KALRN: variants seen among roughly 807,000 people sequenced by gnomAD.
KALRN encodes the protein kalirin RhoGEF kinase.
KALRN carries 70 observed loss-of-function variants against 353.7 expected under a neutral mutation model. The ratio of observed to expected loss-of-function variants is 0.20; its 90% CI spans 0.16 to 0.24. The LOEUF (loss-of-function observed/expected upper bound fraction) is 0.24, where lower values mean the gene tolerates loss of function less well. Ranked by LOEUF, KALRN falls within the 10% of genes least tolerant of loss-of-function variation. The pLI, the probability that KALRN is intolerant of heterozygous loss-of-function variation, is 1.00. For missense variants in KALRN, 2,791 were observed against 3,756.7 expected (o/e 0.74, Z 6.72); for synonymous variants, 1,391 against 1,434.8 (o/e 0.97, Z 0.69).
intron 51 of KALRN, among the ~76,000 whole-genome samples, chr3:124,690,044 G>T (rs1487389725): frequency 6.6e-6 from 1 of 152,086 alleles, no homozygotes; most frequent in Admixed American, 6.6e-5. Context: ...CATTTTCTCA[G>T]CTCTCCTCCC....
chr3:124,667,323 A>G (rs2085766622), intron 47 of KALRN, 140 bp downstream of exon 47: 5 of 714,046 alleles, frequency 7.0e-6, no homozygotes, highest in Non-Finnish European at 1.1e-5. Context: ...TTTCAGAAAC[A>G]CTTTAGAATT....
At chr3:124,532,275 A>G (rs371050909) in intron 33 of KALRN, among the ~76,000 whole-genome samples, 4 of 152,384 alleles carry the variant, frequency 2.6e-5, no homozygotes, top group East Asian at 3.9e-4. Flanking sequence ...ATTGCATGAC[A>G]TTGCTCTAGA....
intron 6 of KALRN, among the ~76,000 whole-genome samples, chr3:124,305,932 A>T (rs541415066): frequency 1.3e-5 from 2 of 152,342 alleles, no homozygotes; most frequent in Non-Finnish European, 2.9e-5. Context: ...ATCACCTGTG[A>T]GAGCAACCAG....
chr3:124,229,975 T>C (rs943119029), intron 2 of KALRN, among the ~76,000 whole-genome samples: 2 of 152,172 alleles, frequency 1.3e-5, no homozygotes, highest in African/African-American at 4.8e-5. Flanking sequence ...GATTTGGGTA[T>C]GGGGAGAGGC....
At chr3:124,240,556 G>A (rs542613619) in intron 3 of KALRN, among the ~76,000 whole-genome samples, 223 of 152,108 alleles carry the variant, frequency 1.5e-3, no homozygotes, top group Non-Finnish European at 2.2e-3. Context: ...CCAACACATG[G>A]TGACTCCATG....
intron 33 of KALRN, among the ~76,000 whole-genome samples, chr3:124,515,260 A>G (rs1331900031): frequency 6.6e-6 from 1 of 152,208 alleles, no homozygotes; most frequent in Non-Finnish European, 1.5e-5. Context: ...AATAAACAGC[A>G]TTTATATGAA....
chr3:124,314,868 T>A (rs1167223828), intron 6 of KALRN, among the ~76,000 whole-genome samples: 1 of 152,194 alleles, frequency 6.6e-6, no homozygotes, highest in African/African-American at 2.4e-5. Flanking sequence ...TTGCCCAGGT[T>A]GGTCTCAAAC....
At position 124,334,997 on chromosome 3, in the gene KALRN, G is replaced by A. The variant is rs2080983111; in HGVS notation, c.1647+502G>A. ...TTTGGTGGAGACGGGGTTTCACCATGTTGACCAGGCTGGTCTTGAACTCCT... is the reference window on the plus strand; with the variant it reads ...TTTGGTGGAGACGGGGTTTCACCATATTGACCAGGCTGGTCTTGAACTCCT... On this transcript the variant is annotated intron_variant, in intron 9 of 59. Transcript: ENST00000682506. The surrounding 1 kb of genome is among the most constrained non-coding windows in gnomAD (Gnocchi z 4.2). 6.6e-6 allele frequency among the ~76,000 whole-genome samples: 1 copy of A among 152,176 alleles called. No individual in the cohort carries two copies. Among genetic ancestry groups the A allele is most frequent in the South Asian group, 2.1e-4 (1 of 4,826 alleles).
At chr3:124,526,320 C>T (rs1398290201) in intron 33 of KALRN, among the ~76,000 whole-genome samples, 1 of 152,140 alleles carries the variant, frequency 6.6e-6, no homozygotes, top group Non-Finnish European at 1.5e-5. Context: ...TGCCTATAAT[C>T]CTAGCACTTT....
intron 1 of KALRN, among the ~76,000 whole-genome samples, chr3:124,111,172 A>C (rs1482035316): frequency 6.6e-6 from 1 of 152,224 alleles, no homozygotes; most frequent in African/African-American, 2.4e-5. Context: ...AGAAAAGACC[A>C]TCTTAGAACC....
At chr3:124,048,393 AAG>A (rs1351702548) in intron 1 of KALRN, among the ~76,000 whole-genome samples, 1 of 152,226 alleles carries the variant, frequency 6.6e-6, no homozygotes, top group African/African-American at 2.4e-5. Flanking sequence ...ATTTAACAAA[AAG>A]AGGATCATGT....
intron 33 of KALRN, among the ~76,000 whole-genome samples, chr3:124,508,337 C>A (rs2065461015): frequency 6.6e-6 from 1 of 152,172 alleles, no homozygotes; most frequent in Admixed American, 6.5e-5. Context: ...ATAATAGTGT[C>A]TTTACTTTTT....
intron 37 of KALRN, among the ~76,000 whole-genome samples, chr3:124,642,505 C>A (rs1446838534): frequency 6.6e-6 from 1 of 152,042 alleles, no homozygotes; most frequent in African/African-American, 2.4e-5. Flanking sequence ...AGAATGTGCC[C>A]TACCTGCTTC....
chr3:124,561,228 G>A (rs765148897), intron 33 of KALRN, among the ~76,000 whole-genome samples: 12 of 152,100 alleles, frequency 7.9e-5, no homozygotes, highest in Non-Finnish European at 1.0e-4. Context: ...CAGGAGAGTG[G>A]GGGAGTGAAG....
At chr3:124,713,230 G>C (rs2062975874) in intron 58 of KALRN, 95 bp downstream of exon 58, 1 of 1,080,992 alleles carries the variant, frequency 9.3e-7, no homozygotes, top group South Asian at 1.6e-5. Flanking sequence ...TTTTATACAA[G>C]GTCCTATCAT....
chr3:124,402,623 A>C (rs1421183093), intron 13 of KALRN, among the ~76,000 whole-genome samples: 1 of 152,224 alleles, frequency 6.6e-6, no homozygotes, highest in East Asian at 1.9e-4. Flanking sequence ...GTGGTCTCCA[A>C]ACATTTTTGA....
chr3:124,389,997 A>G (rs1279657117), intron 11 of KALRN, among the ~76,000 whole-genome samples: 1 of 152,230 alleles, frequency 6.6e-6, no homozygotes, highest in Non-Finnish European at 1.5e-5. Flanking sequence ...GGACTTTCTT[A>G]TACATCCAGA....
intron 51 of KALRN, among the ~76,000 whole-genome samples, chr3:124,681,958 G>T (rs1181728262): frequency 6.6e-6 from 1 of 152,290 alleles, no homozygotes; most frequent in Non-Finnish European, 1.5e-5. Context: ...TGAATGTGTT[G>T]CCAGCTTCAA....
At chr3:124,663,654 C>T (rs924862791) in intron 45 of KALRN, among the ~76,000 whole-genome samples, 3 of 152,184 alleles carry the variant, frequency 2.0e-5, no homozygotes, top group Non-Finnish European at 4.4e-5. Context: ...TATTTCCCAG[C>T]AGTCTGAAAC....
Sources: allele counts gnomAD v4.1 joint callset (sites outside exome capture counted in the v4.1 genomes callset), GRCh38; gene constraint gnomAD v4.1.1; non-coding constraint Gnocchi (gnomAD v3.1); transcripts MANE v1.5; gene names NCBI Gene and HGNC (gene_info 2026-07-23, HGNC 2026-07-21).